Variants in CEP89 observed in about 807,000 individuals in gnomAD.
CEP89 encodes centrosomal protein of 89 kDa.
CEP89 carries 95 observed loss-of-function variants against 97.6 expected under a neutral mutation model. The observed-to-expected ratio is 0.97, with a 90% CI of 0.82 to 1.15. The LOEUF is 1.15. CEP89 is among the 50% of genes most tolerant of loss of function. The pLI, the probability that CEP89 is intolerant of heterozygous loss-of-function variation, is 0.00. For synonymous variants in CEP89, 354 were observed against 349.1 expected (o/e 1.01, Z -0.16); for missense variants, 869 against 947.7 (o/e 0.92, Z 1.09).
chr19:32,960,966 C>A (rs563554536), intron 2 of CEP89, among the ~76,000 whole-genome samples: 1 of 152,124 alleles, frequency 6.6e-6, no homozygotes, highest in Admixed American at 6.6e-5. Context: ...GATAGAGTGC[C>A]GGAAAGGAGA....
chr19:32,901,500 G>GC, intron 14 of CEP89, 88 bp from the exon 15 acceptor site: 1 of 1,368,782 alleles, frequency 7.3e-7, no homozygotes, highest in Non-Finnish European at 1.0e-6. Context: ...AGTGATAACA[G>GC]CCCAGCCCTC....
intron 16 of CEP89, among the ~76,000 whole-genome samples, chr19:32,890,157 A>C (rs906099365): frequency 4.6e-5 from 7 of 152,208 alleles, no homozygotes; most frequent in African/African-American, 1.4e-4. Flanking sequence ...CTGTAATCCC[A>C]GCACTTTGGG....
chr19:32,941,193 T>C (rs1018989183), intron 5 of CEP89, among the ~76,000 whole-genome samples: 12 of 151,998 alleles, frequency 7.9e-5, no homozygotes, highest in African/African-American at 2.9e-4. Context: ...ATGCTAGAGA[T>C]ACATACAAGA....
chr19:32,887,027 T>TAA lies in CEP89; in HGVS notation c.1965+724_1965+725insTT, dbSNP rs1170428672. On this transcript the variant is annotated intron_variant, in intron 17 of 18. Transcript: ENST00000305768. The stretch of plus-strand genomic sequence containing the variant: ...CTCATCTCTAAACAAAAAAAAAAAA[T>TAA]ACAAAAAAAAAAAAATAGCCAGACA... 2.0e-3 allele frequency among the ~76,000 whole-genome samples: 192 copies of TAA among 97,126 alleles called. 1 individual carries two copies. The highest frequency in any genetic ancestry group is 8.4e-3 in the African/African-American group (185 of 22,108). The allele number at this position is 97,126 out of a possible 152,430, so 63.7% of individuals were successfully genotyped here.
intron 12 of CEP89, among the ~76,000 whole-genome samples, chr19:32,921,673 G>T (rs968046109): frequency 6.6e-6 from 1 of 152,182 alleles, no homozygotes; most frequent in Non-Finnish European, 1.5e-5. Flanking sequence ...ATCTGCCAAG[G>T]TCTCTTGAGC....
At chr19:32,965,067 A>C (rs1322206912) in intron 2 of CEP89, among the ~76,000 whole-genome samples, 1 of 152,050 alleles carries the variant, frequency 6.6e-6, no homozygotes, top group Non-Finnish European at 1.5e-5. Flanking sequence ...CATCATGCTC[A>C]GATAATTTAT....
chr19:32,912,160 G>A lies in CEP89; in HGVS notation c.1565+3177C>T, dbSNP rs531404671. Reference sequence around the variant, plus strand: ...GGAGGCTGCAGTGAGCCAAGATCGCGCCACTGCACTCCAGCCTGGGTGACA... The same window carrying A: ...GGAGGCTGCAGTGAGCCAAGATCGCACCACTGCACTCCAGCCTGGGTGACA... On this transcript the variant is annotated intron_variant, in intron 14 of 18. Transcript: ENST00000305768. 1.6e-3 allele frequency among the ~76,000 whole-genome samples: 235 copies of A among 147,982 alleles called. 2 individuals carry two copies. The highest frequency in any genetic ancestry group is 5.2e-3 in the African/African-American group (207 of 40,024).
At chr19:32,937,199 C>T in intron 7 of CEP89, 2 of 196,678 alleles carry the variant, frequency 1.0e-5, no homozygotes, top group Non-Finnish European at 2.0e-5. Flanking sequence ...ACCCATAAAG[C>T]ATCTCTAGAC....
rs1250849313 is a variant in CEP89 at position 32,917,609 on chromosome 19, C to T, written c.1384+615G>A. Among the ~76,000 whole-genome samples, 6 of 152,328 alleles carry T rather than the reference C, an allele frequency of 3.9e-5. No homozygotes were observed. The East Asian group carries it at 7.7e-4, about 20-fold the overall frequency. ...AGTAAAGCAAAGGGAAAAAATGCCA[C>T]TATCTTTTGTACTCATGAATTACGG... On this transcript the variant is annotated intron_variant, in intron 13 of 18. Coordinates refer to ENST00000305768, the MANE Select transcript of CEP89 (RefSeq NM_032816.5).
intron 18 of CEP89, among the ~76,000 whole-genome samples, chr19:32,880,316 G>A (rs1295284780): frequency 5.3e-5 from 8 of 152,090 alleles, no homozygotes; most frequent in Admixed American, 6.6e-5. Context: ...TGAAGTTCAG[G>A]GAGGCCAGTG....
chr19:32,899,321 A>T (rs552797723), intron 16 of CEP89, among the ~76,000 whole-genome samples: 1 of 151,660 alleles, frequency 6.6e-6, no homozygotes, highest in Non-Finnish European at 1.5e-5. Context: ...TTTTGTAGAG[A>T]TGGGTTCTCA....
At chr19:32,899,669 C>G (rs1188768776) in intron 16 of CEP89, among the ~76,000 whole-genome samples, 188 bp downstream of exon 16, 1 of 152,082 alleles carries the variant, frequency 6.6e-6, no homozygotes, top group Non-Finnish European at 1.5e-5. Context: ...TAAGGAGTTC[C>G]TCAATTTATA....
intron 16 of CEP89, among the ~76,000 whole-genome samples, chr19:32,898,492 C>T (rs1969691561): frequency 6.6e-6 from 1 of 152,024 alleles, no homozygotes; most frequent in Non-Finnish European, 1.5e-5. Context: ...TTATCATGTT[C>T]GACAGCAGAG....
At chr19:32,935,072 A>G (rs1002110542) in intron 7 of CEP89, among the ~76,000 whole-genome samples, 7 of 152,258 alleles carry the variant, frequency 4.6e-5, no homozygotes, top group Non-Finnish European at 7.3e-5. Context: ...CCAGGCAGCA[A>G]CAGCAGAAAT....
chr19:32,920,632 C>A (rs1407022916), intron 12 of CEP89, among the ~76,000 whole-genome samples: 1 of 152,020 alleles, frequency 6.6e-6, no homozygotes, highest in East Asian at 2.0e-4. Flanking sequence ...TACAGGCGTG[C>A]ACCACCACAC....
intron 3 of CEP89, among the ~76,000 whole-genome samples, chr19:32,958,851 T>G (rs1971105126): frequency 1.3e-5 from 2 of 151,820 alleles, no homozygotes; most frequent in South Asian, 4.2e-4. Context: ...ACCCCGTCTC[T>G]ACTAAAAATA....
intron 14 of CEP89, among the ~76,000 whole-genome samples, chr19:32,914,508 GTGACCT>G (rs1970078451): frequency 6.6e-6 from 1 of 151,918 alleles, no homozygotes; most frequent in East Asian, 1.9e-4. Context: ...CCAGGTTCAA[GTGACCT>G]GCCTGCCTTG....
intron 2 of CEP89, among the ~76,000 whole-genome samples, chr19:32,965,560 G>A (rs1971263201): frequency 1.3e-5 from 2 of 151,760 alleles, no homozygotes; most frequent in African/African-American, 4.8e-5. Flanking sequence ...GTTGGGCATG[G>A]TGGTACATGC....
chr19:32,909,389 C>A (rs1039491645), intron 14 of CEP89, among the ~76,000 whole-genome samples: 3 of 152,178 alleles, frequency 2.0e-5, no homozygotes, highest in African/African-American at 7.2e-5. Context: ...AGGGAACCAC[C>A]AGGGCAGAAA....
Sources: allele counts gnomAD v4.1 joint callset (sites outside exome capture counted in the v4.1 genomes callset), GRCh38; gene constraint gnomAD v4.1.1; transcripts MANE v1.5; gene names NCBI Gene and HGNC (gene_info 2026-07-23, HGNC 2026-07-21).